Variants in AK8 observed in about 807,000 individuals in gnomAD.
The protein encoded by AK8 is adenylate kinase 8.
AK8 carries 44 observed loss-of-function variants against 54.6 expected under a neutral mutation model. That is an observed-to-expected ratio of 0.81 (90% CI 0.63 to 1.04). The LOEUF is 1.04. AK8 is among the 50% of genes least tolerant of loss of function. The pLI is 0.00. For missense variants in AK8, 555 were observed against 613.6 expected, an observed-to-expected ratio of 0.90 and a Z score of 1.01; for synonymous variants, 239 against 245.6, an observed-to-expected ratio of 0.97 and a Z score of 0.25.
chr9:132,782,326 CCTT>C (rs1839512263), intron 11 of AK8, among the ~76,000 whole-genome samples: 1 of 152,142 alleles, frequency 6.6e-6, no homozygotes, highest in African/African-American at 2.4e-5. Context: ...CCTGCCCCTG[CCTT>C]CTTTAAAGTG....
intron 11 of AK8, among the ~76,000 whole-genome samples, chr9:132,778,502 G>A (rs889799739): frequency 3.9e-5 from 6 of 152,080 alleles, no homozygotes; most frequent in Admixed American, 1.3e-4. Context: ...AGAGTGGGGC[G>A]GGCAAGAAAC....
intron 5 of AK8, among the ~76,000 whole-genome samples, chr9:132,839,213 G>A (rs182247044): frequency 6.6e-6 from 1 of 152,288 alleles, no homozygotes; most frequent in Admixed American, 6.5e-5. Context: ...CACGGTGCTG[G>A]GATTACAGGC....
chr9:132,737,539 C>CA (rs1368923757), intron 11 of AK8, among the ~76,000 whole-genome samples: 1 of 152,104 alleles, frequency 6.6e-6, no homozygotes, highest in East Asian at 1.9e-4. Flanking sequence ...ACATCACAAC[C>CA]AAGTGGGATT....
intron 5 of AK8, among the ~76,000 whole-genome samples, chr9:132,852,769 CAAAA>C (rs35786801): frequency 1.8e-4 from 3 of 16,422 alleles, no homozygotes; most frequent in East Asian, 1.7e-3. Flanking sequence ...GATTAGGTCT[CAAAA>C]AAAAAAAAAA....
chr9:132,861,653 G>A (rs983483077), intron 4 of AK8: 1 of 152,250 alleles, frequency 6.6e-6, no homozygotes, highest in Non-Finnish European at 1.5e-5. Flanking sequence ...CTGCTTAGGA[G>A]GGCAAAGCTA....
chr9:132,789,635 A>G (rs531872571), intron 11 of AK8, among the ~76,000 whole-genome samples: 2 of 151,538 alleles, frequency 1.3e-5, no homozygotes, highest in East Asian at 3.9e-4. Context: ...AAGAAAGAAA[A>G]GAAAAAAAGA....
Position 132,863,776 on chromosome 9 carries a change from T to C in AK8, c.222A>G (p.Ala74=). Residue 74 remains alanine (A), a splice_region_variant and synonymous_variant, in exon 4 of 13, where the codon GCA becomes GCG. Coordinates refer to ENST00000298545, the MANE Select transcript of AK8 (RefSeq NM_152572.3). ...GPPASGKTTI[A]MWLCKHLNSS... ...TGTTCAGATGTTTGCAGAGCCACATTGCCTGAAGAAAGGAAAGAAGAAAAG... is the reference window on the plus strand; with the variant it reads ...TGTTCAGATGTTTGCAGAGCCACATCGCCTGAAGAAAGGAAAGAAGAAAAG... 1 of 1,609,292 alleles carries C rather than the reference T, an allele frequency of 6.2e-7. No homozygotes were observed. Among genetic ancestry groups the C allele is most frequent in the East Asian group, 2.2e-5 (1 of 44,852 alleles).
intron 11 of AK8, among the ~76,000 whole-genome samples, chr9:132,748,542 A>G (rs1321232493): frequency 6.6e-6 from 1 of 151,906 alleles, no homozygotes; most frequent in East Asian, 1.9e-4. Context: ...TCATTCATTC[A>G]TTCAACAAAT....
rs867823263 is a variant in AK8 at position 132,781,174 on chromosome 9, T to A, written c.1121+11460A>T. On this transcript the variant is annotated intron_variant, in intron 11 of 12. Transcript: ENST00000298545. The surrounding 1 kb of genome is among the most constrained non-coding windows in gnomAD (Gnocchi z 4.6). ...TTCTTTCTTTGTTTCTTTCTTTCTTTCTTTTTTTTTACTATTATTATTACG... is the reference window on the plus strand; with the variant it reads ...TTCTTTCTTTGTTTCTTTCTTTCTTACTTTTTTTTTACTATTATTATTACG... Among the ~76,000 whole-genome samples, 34 of 152,074 alleles carry A rather than the reference T, an allele frequency of 2.2e-4. 2 individuals carry two copies. The highest frequency in any genetic ancestry group is 3.2e-3 in the Middle Eastern group (1 of 316).
At chr9:132,814,154 CT>C (rs1477375375) in intron 10 of AK8, among the ~76,000 whole-genome samples, 1 of 151,640 alleles carries the variant, frequency 6.6e-6, no homozygotes, top group Non-Finnish European at 1.5e-5. Flanking sequence ...TGGCATGCAC[CT>C]GTAGTCCCAG....
In AK8 at chr9:132,868,190, A is replaced by T. The variant is rs555347345; in HGVS notation, c.170-1237T>A. 2.0e-5 allele frequency among the ~76,000 whole-genome samples: 3 copies of T among 152,342 alleles called. No individual in the cohort carries two copies. In the East Asian group the frequency reaches 5.8e-4, roughly 29 times the overall value. ...TCAGGAGGGAATCTCATCTCAGCAG[A>T]GGAGAGAGGTGCTGTATCTTCTAGT... On this transcript the variant is annotated intron_variant, in intron 2 of 12. Transcript: ENST00000298545.
rs1836551732 is a variant in AK8, at chr9:132,726,041, C to T, written c.1203-116G>A. The T allele has an allele frequency of 9.7e-6, 8 of 825,866 alleles. No homozygotes were observed. In the South Asian group the frequency reaches 9.9e-5, roughly 10 times the overall value. 51.2% of individuals were successfully genotyped at this position (825,866 alleles called of 1,614,324 possible). ...GGTGTCCTGGCCACCACCACCATCACCAGCCATTTACTACTGTGTACTGCT... is the reference window on the plus strand; with the variant it reads ...GGTGTCCTGGCCACCACCACCATCATCAGCCATTTACTACTGTGTACTGCT... On this transcript the variant is annotated intron_variant, in intron 12 of 12. Transcript: ENST00000298545.
At position 132,848,312 on chromosome 9, in the gene AK8, C is replaced by T. The variant is rs148156687; in HGVS notation, c.402+6545G>A. ...GCCCATTTCCAGTCACTCGGGCCATCTTTCCCTCCCCTTTAATGCTCTGCC... is the reference window on the plus strand; with the variant it reads ...GCCCATTTCCAGTCACTCGGGCCATTTTTCCCTCCCCTTTAATGCTCTGCC... On this transcript the variant is annotated intron_variant, in intron 5 of 12. Transcript: ENST00000298545. 1.2e-3 allele frequency among the ~76,000 whole-genome samples: 189 copies of T among 152,230 alleles called. 2 individuals carry two copies. The highest frequency in any genetic ancestry group is 4.5e-3 in the African/African-American group (188 of 41,538).
rs760966228 is a variant in AK8 at position 132,725,788 on chromosome 9, T to C, written c.1340A>G (p.Tyr447Cys). Reference protein sequence around the residue: ...YRNSADLEQLYGSAITLNGDQ... With the variant: ...YRNSADLEQLCGSAITLNGDQ... The stretch of plus-strand genomic sequence containing the variant: ...CCCATTGAGGGTGATGGCCGACCCA[T>C]ACAACTGCTCCAAGTCAGCTGAGTT... Residue 447 changes from tyrosine (Y) to cysteine (C), a missense_variant, in exon 13 of 13, where the codon TAT (tyrosine) becomes TGT (cysteine). Tyr to Cys is a radical substitution (Grantham distance 194). Coordinates refer to ENST00000298545, the MANE Select transcript of AK8 (RefSeq NM_152572.3). 2.5e-6 allele frequency: 4 copies of C among 1,604,018 alleles called. No homozygotes were observed. The highest frequency in any genetic ancestry group is 2.3e-5 in the South Asian group (2 of 88,786).
chr9:132,856,928 T>A (rs528319973), intron 4 of AK8, among the ~76,000 whole-genome samples: 1 of 151,990 alleles, frequency 6.6e-6, no homozygotes, highest in Non-Finnish European at 1.5e-5. Flanking sequence ...TGGATGAATA[T>A]GTTCACTTTA....
chr9:132,833,197 G>T (rs1842179466), intron 5 of AK8, among the ~76,000 whole-genome samples: 1 of 152,222 alleles, frequency 6.6e-6, no homozygotes, highest in South Asian at 2.1e-4. Flanking sequence ...GCTCAGAAAA[G>T]ATCTTCTTTC....
intron 5 of AK8, among the ~76,000 whole-genome samples, chr9:132,833,804 G>C (rs532084341): frequency 6.6e-6 from 1 of 152,274 alleles, no homozygotes; most frequent in African/African-American, 2.4e-5. Context: ...GGCACGAGCC[G>C]TCCGGCTTTG....
rs1049560830 is a variant in AK8, at chr9:132,747,882, G to A, written c.1122-20348C>T. Among the ~76,000 whole-genome samples, 13 of 150,860 alleles carry A rather than the reference G, an allele frequency of 8.6e-5. 1 individual carries two copies. The highest frequency in any genetic ancestry group is 1.9e-4 in the Non-Finnish European group (13 of 67,504). ...TGTAATCCCAGCACTTTGGGAGGCC[G>A]AGGCAGGGGAGTTCGAGACCAGCCT... On this transcript the variant is annotated intron_variant, in intron 11 of 12. Transcript: ENST00000298545.
intron 4 of AK8, among the ~76,000 whole-genome samples, chr9:132,856,237 GCCTCCTGGCA>G (rs1454647307): frequency 2.0e-5 from 3 of 152,166 alleles, no homozygotes; most frequent in African/African-American, 4.8e-5. Flanking sequence ...GGGGGCGGGG[GCCTCCTGGCA>G]CAGCCTTTCT....
Sources: allele counts gnomAD v4.1 joint callset (sites outside exome capture counted in the v4.1 genomes callset), GRCh38; gene constraint gnomAD v4.1.1; non-coding constraint Gnocchi (gnomAD v3.1); transcripts MANE v1.5; gene names NCBI Gene and HGNC (gene_info 2026-07-23, HGNC 2026-07-21).